The following MTUS1 variants were observed in gnomAD, a reference collection of about 807,000 sequenced individuals.
The protein encoded by MTUS1 is microtubule-associated tumor suppressor 1.
Under a neutral mutation model 120.8 loss-of-function variants are expected in MTUS1, and 109 were observed. The observed-to-expected ratio is 0.90, with a 90% CI of 0.77 to 1.06. MTUS1 has a LOEUF of 1.06. Ranked by LOEUF, MTUS1 falls within the 50% of genes least tolerant of loss-of-function variation. MTUS1 has a pLI of 0.00. For missense variants in MTUS1, 2,210 were observed against 1,486.3 expected, an observed-to-expected ratio of 1.49 and a Z score of -8.01; for synonymous variants, 737 against 550.5, an observed-to-expected ratio of 1.34 and a Z score of -4.74.
intron 8 of MTUS1, among the ~76,000 whole-genome samples, chr8:17,668,775 G>A (rs563000088): frequency 6.0e-4 from 91 of 152,142 alleles, no homozygotes; most frequent in African/African-American, 8.2e-4. Flanking sequence ...TCATCACCCC[G>A]GTACTAAGCC....
chr8:17,750,984 A>C lies in MTUS1; in HGVS notation c.2091+2733T>G, dbSNP rs113565647. Among the ~76,000 whole-genome samples, 1,025 of 152,360 alleles carry C rather than the reference A, an allele frequency of 6.7e-3. 6 individuals carry two copies. Among genetic ancestry groups the C allele is most frequent in the African/African-American group, 0.024 (993 of 41,588 alleles). On this transcript the variant is annotated intron_variant, in intron 2 of 14. Transcript: ENST00000693296. Reference sequence around the variant, plus strand: ...GGCAGTCTAGGGATTCAGTAAACTCAAGGCCTAAGGCAGGCCAAGGCCAAC... The same window carrying C: ...GGCAGTCTAGGGATTCAGTAAACTCCAGGCCTAAGGCAGGCCAAGGCCAAC...
chr8:17,677,375 AT>A (rs1262376796), intron 7 of MTUS1, among the ~76,000 whole-genome samples: 3 of 152,208 alleles, frequency 2.0e-5, no homozygotes, highest in African/African-American at 7.2e-5. Flanking sequence ...CCTGAAACTC[AT>A]TTGGTGAACT....
chr8:17,725,106 T>C (rs1185653496), intron 3 of MTUS1, among the ~76,000 whole-genome samples: 1 of 152,082 alleles, frequency 6.6e-6, no homozygotes, highest in Admixed American at 6.5e-5. Context: ...TGGAATCATC[T>C]TTTCTTCCCC....
In MTUS1 at chr8:17,722,553, G is replaced by T. The variant is rs188540337; in HGVS notation, c.2449+1119C>A. ...ATCCCAGTATTCCTGAAGTGCCAGG[G>T]TATGCAGCTACTTACTCTCATATGA... On this transcript the variant is annotated intron_variant, in intron 4 of 14. Transcript: ENST00000693296. The T allele has an allele frequency of 5.8e-5, 57 of 985,298 alleles. No individual in the cohort carries two copies. The African/African-American group carries it at 9.8e-4, about 17-fold the overall frequency. The allele number at this position is 985,298 out of a possible 1,614,324, so 61.0% of individuals were successfully genotyped here. A position where few individuals can be genotyped will look rare whatever the true frequency, so the allele number is the denominator to read the frequency against.
chr8:17,695,447 A>T (rs566911690), intron 6 of MTUS1, among the ~76,000 whole-genome samples: 68 of 152,372 alleles, frequency 4.5e-4, no homozygotes, highest in African/African-American at 1.4e-3. Flanking sequence ...GATCACCTCT[A>T]TGTGAACTCT....
At chr8:17,661,842 CTG>C in intron 8 of MTUS1, among the ~76,000 whole-genome samples, 2 of 152,320 alleles carry the variant, frequency 1.3e-5, no homozygotes, top group East Asian at 3.9e-4. Flanking sequence ...GACCTTTGCT[CTG>C]TTTACTGGCC....
intron 1 of MTUS1, among the ~76,000 whole-genome samples, chr8:17,763,115 T>C (rs2049174388): frequency 1.3e-5 from 2 of 151,934 alleles, no homozygotes; most frequent in African/African-American, 2.4e-5. Flanking sequence ...CTCAGCCTCC[T>C]GAGTAGCTGG....
chr8:17,688,593 C>A (rs1816322463), intron 6 of MTUS1, among the ~76,000 whole-genome samples: 3 of 152,190 alleles, frequency 2.0e-5, no homozygotes. Flanking sequence ...TCTAATCGTA[C>A]ACATCTAAAA....
chr8:17,777,452 GAAA>G (rs796475013), intron 1 of MTUS1, among the ~76,000 whole-genome samples: 12 of 107,244 alleles, frequency 1.1e-4, no homozygotes, highest in African/African-American at 3.3e-4. Flanking sequence ...AAAAGAAAAA[GAAA>G]AAAAAAAAAA....
At chr8:17,676,635 T>G in intron 7 of MTUS1, 1 of 376,484 alleles carries the variant, frequency 2.7e-6, no homozygotes, top group East Asian at 4.1e-5. Flanking sequence ...TTTAGTTAAA[T>G]ATCAGCTGCA....
intron 1 of MTUS1, among the ~76,000 whole-genome samples, chr8:17,782,473 A>C (rs2027923): frequency 0.32 from 48,925 of 152,140 alleles, 11,269 homozygotes; most frequent in African/African-American, 0.64. Context: ...AAGAACTACA[A>C]ATTCAAGATA....
At chr8:17,726,465 C>G (rs2046237151) in intron 3 of MTUS1, among the ~76,000 whole-genome samples, 1 of 152,042 alleles carries the variant, frequency 6.6e-6, no homozygotes, top group African/African-American at 2.4e-5. Flanking sequence ...CAGGAACTGG[C>G]AAAGGTCTAG....
intron 3 of MTUS1, among the ~76,000 whole-genome samples, chr8:17,740,423 T>C (rs1470512004): frequency 6.6e-6 from 1 of 152,242 alleles, no homozygotes; most frequent in Non-Finnish European, 1.5e-5. Flanking sequence ...TGAGTCAGTA[T>C]GGTGGATATC....
Position 17,754,816 on chromosome 8 carries a change from T to C in MTUS1, c.992A>G (p.Lys331Arg), listed in dbSNP as rs1405279928. 1.2e-6 allele frequency: 2 copies of C among 1,614,138 alleles called. No homozygotes were observed. Among genetic ancestry groups the C allele is most frequent in the Non-Finnish European group, 1.7e-6 (2 of 1,180,044 alleles). ...CTCTCTCAGATTTTGGCCCATTTCC[T>C]TGTGCCTGTATGAGCTCTGTGAATG... The part of the protein sequence containing the change: ...EPHSQSSYRH[K>R]EMGQNLRETV... Residue 331 changes from lysine (K) to arginine (R), a missense_variant, in exon 2 of 15, where the codon AAG becomes AGG. Transcript: ENST00000693296.
chr8:17,712,880 T>C (rs73204295), intron 6 of MTUS1, among the ~76,000 whole-genome samples: 5,286 of 152,188 alleles, frequency 0.035, 119 homozygotes, highest in Non-Finnish European at 0.052. Flanking sequence ...AACCAAATAT[T>C]GAGACCACTT....
chr8:17,736,465 G>T (rs940884976), intron 3 of MTUS1, among the ~76,000 whole-genome samples: 4 of 152,148 alleles, frequency 2.6e-5, no homozygotes, highest in Non-Finnish European at 5.9e-5. Flanking sequence ...ACACCCAAAT[G>T]CCTCCCTCCT....
At chr8:17,770,793 T>G (rs1028031059) in intron 1 of MTUS1, among the ~76,000 whole-genome samples, 3 of 152,200 alleles carry the variant, frequency 2.0e-5, no homozygotes, top group African/African-American at 7.2e-5. Flanking sequence ...AGATGTTTCT[T>G]GGTTATACTG....
At chr8:17,779,300 A>T (rs2050693051) in intron 1 of MTUS1, among the ~76,000 whole-genome samples, 2 of 152,194 alleles carry the variant, frequency 1.3e-5, no homozygotes, top group South Asian at 4.1e-4. Context: ...AGGTTTTAAA[A>T]CAGCCTAAAG....
Position 17,645,679 on chromosome 8 carries a change from A to G in MTUS1, c.*247T>C. 7.0e-6 allele frequency: 3 copies of G among 427,752 alleles called. No homozygotes were observed. Among genetic ancestry groups the G allele is most frequent in the Non-Finnish European group, 8.1e-6 (2 of 245,642 alleles). 26.5% of individuals were successfully genotyped at this position (427,752 alleles called of 1,614,324 possible). ...CGTTCTTTAAGTGCTTTGTGCAACA[A>G]CGTCCGTGTCGATGCCGAAATCTTT... On this transcript the variant is annotated 3_prime_UTR_variant, in exon 15 of 15. Coordinates refer to ENST00000693296, the MANE Select transcript of MTUS1 (RefSeq NM_001363059.2).
Sources: gnomAD v4.1 joint callset for allele counts (sites outside exome capture counted in the v4.1 genomes callset) on GRCh38, gnomAD v4.1.1 for gene constraint, MANE v1.5 for transcripts, NCBI Gene and HGNC (gene_info 2026-07-23, HGNC 2026-07-21) for gene names.